BRAF: variants seen among roughly 807,000 people sequenced by gnomAD.
BRAF encodes B-Raf proto-oncogene, serine/threonine kinase.
A neutral mutation model predicts 104.6 loss-of-function variants in BRAF; 16 were observed. The observed-to-expected ratio is 0.15, with a 90% CI of 0.10 to 0.23. The LOEUF (loss-of-function observed/expected upper bound fraction) is 0.23, where lower values mean the gene tolerates loss of function less well. BRAF is among the 10% of genes least tolerant of loss of function. The pLI is 1.00. For missense variants in BRAF, 541 were observed against 937.3 expected (o/e 0.58, Z 5.52); for synonymous variants, 310 against 341.6 (o/e 0.91, Z 1.02).
chr7:140,839,267 G>A (rs909844513), intron 2 of BRAF, among the ~76,000 whole-genome samples: 1 of 151,990 alleles, frequency 6.6e-6, no homozygotes, highest in African/African-American at 2.4e-5. Context: ...TCGAGGCCAG[G>A]AGTTCAAGAC....
intron 3 of BRAF, chr7:140,823,864 T>A (rs1250105950): frequency 6.6e-6 from 1 of 152,222 alleles, no homozygotes; most frequent in African/African-American, 2.4e-5. Flanking sequence ...CTAATGGGTG[T>A]GAGGTGGTAT....
intron 1 of BRAF, among the ~76,000 whole-genome samples, chr7:140,923,130 T>C (rs1282123941): frequency 6.6e-6 from 1 of 151,994 alleles, no homozygotes; most frequent in African/African-American, 2.4e-5. Context: ...AAACAAACAT[T>C]ATCATAAACA....
At chr7:140,795,965 A>T (rs1006479179) in intron 7 of BRAF, among the ~76,000 whole-genome samples, 1 of 152,174 alleles carries the variant, frequency 6.6e-6, no homozygotes, top group Non-Finnish European at 1.5e-5. Flanking sequence ...AGAAAATTTT[A>T]GGAGCAGGAA....
At position 140,815,668 on chromosome 7, in the gene BRAF, T is replaced by C. The variant is rs10245724; in HGVS notation, c.505-6673A>G. 1.0e-2 allele frequency among the ~76,000 whole-genome samples: 1,462 copies of C among 146,306 alleles called. 29 individuals carry two copies. The highest frequency in any genetic ancestry group is 0.034 in the African/African-American group (1,353 of 39,704). On this transcript the variant is annotated intron_variant, in intron 3 of 19. Coordinates refer to ENST00000644969, the MANE Select transcript of BRAF (RefSeq NM_001374258.1). ...TCAGGCTGGTCTCGAACTCCTTACC[T>C]CAAGTGACCCGCCTGCCTCAGCCTC...
chr7:140,729,776 TCAAAAA>T (rs1795833339), intron 19 of BRAF, among the ~76,000 whole-genome samples: 1 of 151,994 alleles, frequency 6.6e-6, no homozygotes, highest in African/African-American at 2.4e-5. Context: ...AGACTCTGTC[TCAAAAA>T]CAAAAAAATT....
At chr7:140,836,461 T>C (rs1237698906) in intron 2 of BRAF, among the ~76,000 whole-genome samples, 1 of 152,102 alleles carries the variant, frequency 6.6e-6, no homozygotes, top group Admixed American at 6.5e-5. Context: ...CTATGCTGCA[T>C]CTTACCACAT....
At chr7:140,737,471 T>C (rs2130885991) in intron 18 of BRAF, among the ~76,000 whole-genome samples, 1 of 152,368 alleles carries the variant, frequency 6.6e-6, no homozygotes, top group East Asian at 1.9e-4. Context: ...ATTTATTATG[T>C]GAATCACCTG....
chr7:140,758,920 T>A (rs192102806), intron 14 of BRAF, among the ~76,000 whole-genome samples: 1 of 152,360 alleles, frequency 6.6e-6, no homozygotes, highest in African/African-American at 2.4e-5. Flanking sequence ...CATACATTTT[T>A]GCGATTAGTA....
At chr7:140,873,480 T>C (rs1811849803) in intron 1 of BRAF, among the ~76,000 whole-genome samples, 1 of 152,198 alleles carries the variant, frequency 6.6e-6, no homozygotes, top group East Asian at 1.9e-4. Context: ...ATCTGTGGCA[T>C]TTTTGCTTGA....
intron 1 of BRAF, among the ~76,000 whole-genome samples, chr7:140,922,821 G>C (rs1818369483): frequency 6.6e-6 from 1 of 152,116 alleles, no homozygotes; most frequent in Non-Finnish European, 1.5e-5. Flanking sequence ...GTGTGGAGAA[G>C]AAAAGAGGAA....
At chr7:140,715,127 A>G (rs548505726), downstream of BRAF, among the ~76,000 whole-genome samples, 2 of 152,288 alleles carry the variant, frequency 1.3e-5, no homozygotes, top group East Asian at 3.9e-4. Flanking sequence ...AAGCTGGGGT[A>G]TGGTATGATA....
At chr7:140,923,478 A>G (rs558758825) in intron 1 of BRAF, among the ~76,000 whole-genome samples, 27 of 152,350 alleles carry the variant, frequency 1.8e-4, no homozygotes, top group Non-Finnish European at 3.2e-4. Flanking sequence ...ACAGGCTGAG[A>G]GAAGCAAGGA....
intron 1 of BRAF, among the ~76,000 whole-genome samples, chr7:140,897,356 A>T (rs552682773): frequency 6.6e-6 from 1 of 152,276 alleles, no homozygotes; most frequent in East Asian, 1.9e-4. Flanking sequence ...TTGGGAAAAT[A>T]ACATCCCCCA....
In BRAF at chr7:140,719,387, A is replaced by G. The variant is rs1795215578; in HGVS notation, c.*7107T>C. On this transcript the variant is annotated 3_prime_UTR_variant, in exon 20 of 20. Transcript: ENST00000644969. Reference sequence around the variant, plus strand: ...CAGTATTCGCATATTCACATCAAGTACATAGAACTTTTTTTGCCTTTTATA... The same window carrying G: ...CAGTATTCGCATATTCACATCAAGTGCATAGAACTTTTTTTGCCTTTTATA... 1 of 1,007,940 alleles carries G rather than the reference A, an allele frequency of 9.9e-7. No individual in the cohort carries two copies. The highest frequency in any genetic ancestry group is 1.2e-6 in the Non-Finnish European group (1 of 837,542). The allele number at this position is 1,007,940 out of a possible 1,614,324, so 62.4% of individuals were successfully genotyped here.
intron 18 of BRAF, among the ~76,000 whole-genome samples, chr7:140,735,327 G>A (rs1796315616): frequency 1.3e-5 from 2 of 152,244 alleles, no homozygotes; most frequent in South Asian, 4.1e-4. Context: ...CAACCCAAGA[G>A]CAAAGATAGG....
At chr7:140,884,427 ATATGTGTGTGTGTGTGTG>A (rs1177358819) in intron 1 of BRAF, among the ~76,000 whole-genome samples, 13 of 114,664 alleles carry the variant, frequency 1.1e-4, no homozygotes, top group African/African-American at 3.9e-4. Flanking sequence ...TATATATAAG[ATATGTGTGTGTGTGTGTG>A]TGTGTGTGTG....
At chr7:140,781,402 GTTTT>G in intron 12 of BRAF, 170 bp downstream of exon 11, 1 of 680,420 alleles carries the variant, frequency 1.5e-6, no homozygotes, top group Non-Finnish European at 2.6e-6. Context: ...GCTGTGAACA[GTTTT>G]TATTTCCCAT....
At chr7:140,835,068 C>T in intron 2 of BRAF, 196 bp from the exon 3 acceptor site, 3 of 636,808 alleles carry the variant, frequency 4.7e-6, no homozygotes, top group East Asian at 2.8e-5. Flanking sequence ...TGTTATTAGA[C>T]ACTACACTAT....
intron 1 of BRAF, among the ~76,000 whole-genome samples, chr7:140,892,792 G>C (rs549625716): frequency 6.6e-6 from 1 of 152,180 alleles, no homozygotes; most frequent in African/African-American, 2.4e-5. Context: ...ACCCCTAAAT[G>C]ATCCAGGGAA....
Sources: allele counts gnomAD v4.1 joint callset (sites outside exome capture counted in the v4.1 genomes callset), GRCh38; gene constraint gnomAD v4.1.1; transcripts MANE v1.5; gene names NCBI Gene and HGNC (gene_info 2026-07-23, HGNC 2026-07-21).